The following CTNNA2 variants were observed in gnomAD, a reference collection of about 807,000 sequenced individuals.
CTNNA2 encodes catenin alpha-2.
CTNNA2 carries 42 observed loss-of-function variants against 101.0 expected under a neutral mutation model. The observed-to-expected ratio is 0.42, with a 90% CI of 0.32 to 0.54. The LOEUF (loss-of-function observed/expected upper bound fraction) is 0.54, where lower values mean the gene tolerates loss of function less well. Among genes scored for constraint, CTNNA2 ranks in the 20% least tolerant of loss-of-function variants. The pLI, the probability that CTNNA2 is intolerant of heterozygous loss-of-function variation, is 0.14. For synonymous variants in CTNNA2, 450 were observed against 456.4 expected, an observed-to-expected ratio of 0.99 and a Z score of 0.18; for missense variants, 871 against 1,223.1, an observed-to-expected ratio of 0.71 and a Z score of 4.29.
chr2:79,363,875 T>A lies in CTNNA2; in HGVS notation c.-317-9956T>A, dbSNP rs73940516. 2.1e-3 allele frequency among the ~76,000 whole-genome samples: 316 copies of A among 152,298 alleles called. 3 individuals carry two copies. Among genetic ancestry groups the A allele is most frequent in the African/African-American group, 7.3e-3 (304 of 41,554 alleles). ...TCACTCTCCTTGGGCCAGGCTAGTA[T>A]GCAAATGAAAGGCAGAGAAGCAGGT... On this transcript the variant is annotated intron_variant, in intron 3 of 21. Transcript: ENST00000466387.
chr2:79,767,090 C>G (rs1320360350), intron 3 of CTNNA2, among the ~76,000 whole-genome samples: 1 of 151,884 alleles, frequency 6.6e-6, no homozygotes, highest in Non-Finnish European at 1.5e-5. Context: ...TTTTCGACCT[C>G]ACTAATTCTT....
At chr2:79,443,211 C>G (rs145986222) in intron 4 of CTNNA2, among the ~76,000 whole-genome samples, 247 of 152,234 alleles carry the variant, frequency 1.6e-3, no homozygotes, top group African/African-American at 5.7e-3. Flanking sequence ...GATCTGCCAT[C>G]TGCAAGCTGG....
At chr2:79,889,253 A>G (rs991712199) in intron 6 of CTNNA2, among the ~76,000 whole-genome samples, 4 of 152,220 alleles carry the variant, frequency 2.6e-5, no homozygotes, top group African/African-American at 7.2e-5. Flanking sequence ...ATACTGCTCA[A>G]CGTATTTCCT....
chr2:79,766,680 G>A (rs1465889569), intron 3 of CTNNA2, among the ~76,000 whole-genome samples: 1 of 151,786 alleles, frequency 6.6e-6, no homozygotes, highest in Non-Finnish European at 1.5e-5. Flanking sequence ...CCCTTTTGAG[G>A]CTATTTTCTA....
intron 3 of CTNNA2, among the ~76,000 whole-genome samples, chr2:79,832,276 A>G (rs1413604664): frequency 6.6e-6 from 1 of 152,170 alleles, no homozygotes; most frequent in Admixed American, 6.5e-5. Flanking sequence ...ACCTGAAACA[A>G]TACGTGATTA....
chr2:80,517,254 G>T (rs1393089989), intron 9 of CTNNA2, among the ~76,000 whole-genome samples: 1 of 152,194 alleles, frequency 6.6e-6, no homozygotes, highest in Non-Finnish European at 1.5e-5. Flanking sequence ...TTAATTTTTG[G>T]CTGTCAGCCC....
At chr2:79,307,885 T>C (rs114816684) in intron 2 of CTNNA2, among the ~76,000 whole-genome samples, 8,777 of 152,304 alleles carry the variant, frequency 0.058, 318 homozygotes, top group Middle Eastern at 0.15. Context: ...ATTTGTTTTT[T>C]TTCTTTCTGA....
intron 4 of CTNNA2, among the ~76,000 whole-genome samples, chr2:79,473,247 T>C (rs761467357): frequency 7.9e-5 from 12 of 152,208 alleles, no homozygotes; most frequent in Admixed American, 6.5e-4. Context: ...CTTCTGCCTA[T>C]TCCTCAGTTT....
At chr2:80,283,991 C>T (rs1360092122) in intron 7 of CTNNA2, among the ~76,000 whole-genome samples, 1 of 152,140 alleles carries the variant, frequency 6.6e-6, no homozygotes, top group East Asian at 1.9e-4. Context: ...TCTCAATTCC[C>T]TTGACCATGA....
intron 9 of CTNNA2, among the ~76,000 whole-genome samples, chr2:80,446,052 G>A (rs1352205187): frequency 6.6e-6 from 1 of 152,170 alleles, no homozygotes; most frequent in Non-Finnish European, 1.5e-5. Context: ...AATTGTTCCT[G>A]CATAATGTGT....
At chr2:79,872,757 C>T (rs913510032) in intron 5 of CTNNA2, among the ~76,000 whole-genome samples, 1 of 152,152 alleles carries the variant, frequency 6.6e-6, no homozygotes, top group African/African-American at 2.4e-5. Context: ...TTTCTTGTTA[C>T]CAGGTCATTC....
At chr2:79,516,080 G>T (rs1014594068) in intron 1 of CTNNA2, among the ~76,000 whole-genome samples, 6 of 152,178 alleles carry the variant, frequency 3.9e-5, no homozygotes, top group African/African-American at 1.4e-4. Flanking sequence ...TTTGGAGACA[G>T]CTTTAGATGT....
At chr2:79,438,577 T>C (rs1382558782) in intron 4 of CTNNA2, among the ~76,000 whole-genome samples, 2 of 152,144 alleles carry the variant, frequency 1.3e-5, no homozygotes, top group Non-Finnish European at 2.9e-5. Context: ...ACGCACTAGA[T>C]GCCAGTAGGA....
chr2:79,510,947 A>T (rs989878874), upstream of CTNNA2, among the ~76,000 whole-genome samples: 12 of 152,230 alleles, frequency 7.9e-5, no homozygotes, highest in African/African-American at 2.9e-4. Flanking sequence ...TAAAACAAAA[A>T]TTATAAATGT....
chr2:80,097,697 G>T (rs1700246548), intron 7 of CTNNA2, among the ~76,000 whole-genome samples: 1 of 152,174 alleles, frequency 6.6e-6, no homozygotes, highest in Non-Finnish European at 1.5e-5. Context: ...TGGAGTCTTT[G>T]TTCATTTCTT....
At chr2:80,041,341 A>C (rs919692790) in intron 7 of CTNNA2, among the ~76,000 whole-genome samples, 42 of 152,156 alleles carry the variant, frequency 2.8e-4, no homozygotes, top group African/African-American at 9.4e-4. Context: ...AAGTGGTATG[A>C]CAAAGAATAT....
intron 2 of CTNNA2, among the ~76,000 whole-genome samples, chr2:79,285,491 C>G (rs1344355410): frequency 1.4e-5 from 2 of 143,124 alleles, no homozygotes; most frequent in Admixed American, 7.0e-5. Context: ...ATCTTTATTT[C>G]TGCCTTCATT....
chr2:79,470,362 C>T (rs1015512920), intron 4 of CTNNA2, among the ~76,000 whole-genome samples: 10 of 152,110 alleles, frequency 6.6e-5, no homozygotes, highest in Non-Finnish European at 1.5e-4. Flanking sequence ...CAATAAAAAG[C>T]TTTTCTCGAT....
chr2:79,222,792 C>T (rs1674361747), intron 2 of CTNNA2, among the ~76,000 whole-genome samples: 1 of 151,578 alleles, frequency 6.6e-6, no homozygotes, highest in African/African-American at 2.4e-5. Context: ...GGAGGTGGGC[C>T]CTTTGGGAGG....
Sources: gnomAD v4.1 joint callset for allele counts (sites outside exome capture counted in the v4.1 genomes callset) on GRCh38, gnomAD v4.1.1 for gene constraint, MANE v1.5 for transcripts, NCBI Gene and HGNC (gene_info 2026-07-23, HGNC 2026-07-21) for gene names.